The following TUSC3 variants were observed in gnomAD, a reference collection of about 807,000 sequenced individuals.
TUSC3 encodes tumor suppressor candidate 3.
Under a neutral mutation model 44.8 loss-of-function variants are expected in TUSC3, and 45 were observed. The ratio of observed to expected loss-of-function variants is 1.00; its 90% confidence interval spans 0.79 to 1.29. The LOEUF is 1.29. Ranked by LOEUF, TUSC3 falls within the 50% of genes most tolerant of loss-of-function variation. The pLI is 0.00. For missense variants in TUSC3, 519 were observed against 437.9 expected (o/e 1.19, Z -1.65); for synonymous variants, 212 against 152.9 (o/e 1.39, Z -2.85).
At chr8:15,446,817 G>A (rs1800111269) in intron 1 of TUSC3, among the ~76,000 whole-genome samples, 2 of 151,172 alleles carry the variant, frequency 1.3e-5, no homozygotes, top group South Asian at 2.1e-4. Flanking sequence ...TAAAGACATG[G>A]CCTCTTTAAA....
At chr8:15,740,610 T>C (rs754602173) in intron 7 of TUSC3, among the ~76,000 whole-genome samples, 10 of 152,158 alleles carry the variant, frequency 6.6e-5, no homozygotes, top group Non-Finnish European at 1.5e-4. Flanking sequence ...GGTGAGCTAT[T>C]CGTACAACTC....
At chr8:15,552,433 G>A (rs553977022) in intron 1 of TUSC3, among the ~76,000 whole-genome samples, 2 of 151,716 alleles carry the variant, frequency 1.3e-5, no homozygotes, top group Admixed American at 1.3e-4. Flanking sequence ...AGAAAATCAG[G>A]CAGTTATAAT....
intron 1 of TUSC3, among the ~76,000 whole-genome samples, chr8:15,449,831 A>T (rs1585050258): frequency 6.6e-6 from 1 of 152,084 alleles, no homozygotes; most frequent in East Asian, 1.9e-4. Context: ...CCGTTTTTTT[A>T]ATCTCTTACA....
chr8:15,839,334 A>G, the TUSC3 span, among the ~76,000 whole-genome samples: 13 of 149,978 alleles, frequency 8.7e-5, no homozygotes, highest in East Asian at 2.3e-3. Context: ...TCTTTTCCTA[A>G]TGGAATACCC....
chr8:15,504,962 T>C (rs557692321), intron 2 of TUSC3, among the ~76,000 whole-genome samples: 1 of 152,210 alleles, frequency 6.6e-6, no homozygotes, highest in South Asian at 2.1e-4. Flanking sequence ...GTAATTCATG[T>C]ATTTTCTATT....
chr8:15,815,517 C>G, the TUSC3 span, among the ~76,000 whole-genome samples: 1 of 152,020 alleles, frequency 6.6e-6, no homozygotes, highest in African/African-American at 2.4e-5. Flanking sequence ...GGATAAAGCT[C>G]AAGCCAAAAC....
intron 2 of TUSC3, among the ~76,000 whole-genome samples, chr8:15,526,055 C>G (rs1297107043): frequency 2.0e-5 from 3 of 151,222 alleles, no homozygotes; most frequent in African/African-American, 4.9e-5. Flanking sequence ...TTTTTTGAGA[C>G]AGGGTCTCCC....
chr8:15,549,699 C>A (rs1293600768), intron 1 of TUSC3, among the ~76,000 whole-genome samples: 2 of 151,462 alleles, frequency 1.3e-5, no homozygotes, highest in Non-Finnish European at 2.9e-5. Flanking sequence ...TTAGAATTTT[C>A]AAGGGGAGTA....
chr8:15,421,137 G>C (rs139688628), intron 1 of TUSC3, among the ~76,000 whole-genome samples: 3 of 152,156 alleles, frequency 2.0e-5, no homozygotes, highest in African/African-American at 7.2e-5. Flanking sequence ...TTCTTCCCCA[G>C]AGTATTCCAT....
At chr8:15,613,675 C>G (rs1804859683) in intron 1 of TUSC3, among the ~76,000 whole-genome samples, 1 of 152,134 alleles carries the variant, frequency 6.6e-6, no homozygotes, top group Non-Finnish European at 1.5e-5. Flanking sequence ...TCGGGTATGT[C>G]TTTATTAGCA....
chr8:15,844,114 G>C, the TUSC3 span, among the ~76,000 whole-genome samples: 3 of 151,978 alleles, frequency 2.0e-5, no homozygotes, highest in South Asian at 6.2e-4. Flanking sequence ...TTTCATTTTT[G>C]TTTTCTGGTG....
At chr8:15,470,638 G>C (rs139107280) in intron 1 of TUSC3, among the ~76,000 whole-genome samples, 1 of 152,048 alleles carries the variant, frequency 6.6e-6, no homozygotes, top group African/African-American at 2.4e-5. Context: ...GTACACAGCA[G>C]GTCCCCAAAT....
intron 2 of TUSC3, among the ~76,000 whole-genome samples, chr8:15,643,837 G>A (rs1028120458): frequency 5.3e-5 from 8 of 152,102 alleles, no homozygotes; most frequent in Non-Finnish European, 1.2e-4. Context: ...TTCTTCTCGA[G>A]GACCAGAACC....
chr8:15,788,641 T>G, the TUSC3 span, among the ~76,000 whole-genome samples: 2 of 152,144 alleles, frequency 1.3e-5, no homozygotes, highest in Non-Finnish European at 2.9e-5. Context: ...ACCCCGGGGC[T>G]GATGGAAACA....
chr8:15,658,637 T>TACACAC (rs766936043), intron 3 of TUSC3, among the ~76,000 whole-genome samples: 13 of 112,248 alleles, frequency 1.2e-4, no homozygotes, highest in East Asian at 5.3e-4. Flanking sequence ...TACACATATA[T>TACACAC]ATACACACAC....
intron 2 of TUSC3, among the ~76,000 whole-genome samples, chr8:15,625,286 A>C (rs1271593138): frequency 6.6e-6 from 1 of 152,088 alleles, no homozygotes; most frequent in Admixed American, 6.6e-5. Context: ...AATGATAGAC[A>C]CTGGTCTGTA....
intron 2 of TUSC3, among the ~76,000 whole-genome samples, chr8:15,496,553 G>A (rs968786128): frequency 1.3e-5 from 2 of 152,130 alleles, no homozygotes; most frequent in African/African-American, 4.8e-5. Flanking sequence ...CTTACTTTTG[G>A]GAGAGAGTGA....
At chr8:15,772,522 TA>T in the TUSC3 span, among the ~76,000 whole-genome samples, 1 of 152,126 alleles carries the variant, frequency 6.6e-6, no homozygotes. Context: ...AACTGGTTAT[TA>T]AAAACCTCCC....
At position 15,766,621 on chromosome 8, in the gene TUSC3, A is replaced by T. The variant is rs565174595; in HGVS notation, c.*2465A>T. ...TGCTTAACATACTGTTCCTGGCATT[A>T]GATATTCACATGAGTAAGCCCAGTA... On this transcript the variant is annotated 3_prime_UTR_variant, in exon 11 of 11. Transcript: ENST00000503731. The T allele has an allele frequency of 1.4e-4, 22 of 152,234 alleles. No individual in the cohort carries two copies. The highest frequency in any genetic ancestry group is 5.3e-4 in the African/African-American group (22 of 41,546). 9.4% of individuals were successfully genotyped at this position (152,234 alleles called of 1,614,324 possible). A position where few individuals can be genotyped will look rare whatever the true frequency, so the allele number is the denominator to read the frequency against.
Sources: gnomAD v4.1 joint callset for allele counts (sites outside exome capture counted in the v4.1 genomes callset) on GRCh38, gnomAD v4.1.1 for gene constraint, MANE v1.5 for transcripts, NCBI Gene and HGNC (gene_info 2026-07-23, HGNC 2026-07-21) for gene names.